The following CPNE1 variants were observed in gnomAD, a reference collection of about 807,000 sequenced individuals.
The protein encoded by CPNE1 is copine 1.
CPNE1 carries 58 observed loss-of-function variants against 63.2 expected under a neutral mutation model. The ratio of observed to expected loss-of-function variants is 0.92; its 90% CI spans 0.74 to 1.14. CPNE1 has a LOEUF of 1.14. Among genes scored for constraint, CPNE1 ranks in the 50% most tolerant of loss-of-function variants. The pLI is 0.00. For missense variants in CPNE1, 672 were observed against 661.7 expected, an observed-to-expected ratio of 1.02 and a Z score of -0.17; for synonymous variants, 237 against 249.0, an observed-to-expected ratio of 0.95 and a Z score of 0.45.
rs776017272 is a variant in CPNE1 at position 35,655,019 on chromosome 20, C to T, written c.-1+9741G>A. 3 of 1,614,016 alleles carry T rather than the reference C, an allele frequency of 1.9e-6. No individual in the cohort carries two copies. Among genetic ancestry groups the T allele is most frequent in the Admixed American group, 3.3e-5 (2 of 59,996 alleles). On this transcript the variant is annotated intron_variant, in intron 1 of 15. Coordinates refer to ENST00000397443, the MANE Select transcript of CPNE1 (RefSeq NM_152925.3). The stretch of plus-strand genomic sequence containing the variant: ...CTAGGTGGTGGTCCTGATCTACTGG[C>T]ATTTGCTGGTGGTATATCTAAGTTG...
intron 1 of CPNE1, among the ~76,000 whole-genome samples, chr20:35,645,546 C>G (rs1213202166): frequency 6.6e-6 from 1 of 152,160 alleles, no homozygotes; most frequent in Non-Finnish European, 1.5e-5. Flanking sequence ...AGTATAAGTG[C>G]TGGGTGCACA....
At chr20:35,645,431 C>T (rs576525613) in intron 1 of CPNE1, among the ~76,000 whole-genome samples, 2 of 152,280 alleles carry the variant, frequency 1.3e-5, no homozygotes, top group African/African-American at 4.8e-5. Flanking sequence ...TACCTGGTTC[C>T]CGTGGTATAG....
intron 1 of CPNE1, among the ~76,000 whole-genome samples, chr20:35,642,365 G>C (rs2032860397): frequency 6.6e-6 from 1 of 152,232 alleles, no homozygotes; most frequent in African/African-American, 2.4e-5. Context: ...GAGGGCTGAA[G>C]GTCTGGGTGG....
At chr20:35,653,941 T>C (rs1264786159) in intron 1 of CPNE1, 1 of 1,614,054 alleles carries the variant, frequency 6.2e-7, no homozygotes, top group African/African-American at 1.3e-5. Context: ...ATAAGCTATA[T>C]AAATACTATC....
chr20:35,632,146 C>T lies in CPNE1; in HGVS notation c.456+17G>A. On this transcript the variant is annotated intron_variant, in intron 5 of 15. Coordinates refer to ENST00000397443, the MANE Select transcript of CPNE1 (RefSeq NM_152925.3). ...CCCCTTAACTCTTGGATTACCAGGG[C>T]CTACTTCCAGACACACCTTCTTATC... is the stretch of plus-strand genomic sequence containing the variant. The T allele has an allele frequency of 6.2e-7, 1 of 1,613,270 alleles. No individual in the cohort carries two copies. The highest frequency in any genetic ancestry group is 8.5e-7 in the Non-Finnish European group (1 of 1,179,218).
chr20:35,639,441 A>G (rs2032678490), intron 1 of CPNE1, among the ~76,000 whole-genome samples: 1 of 152,094 alleles, frequency 6.6e-6, no homozygotes, highest in Non-Finnish European at 1.5e-5. Context: ...GGTTCCAGCG[A>G]TTCTCCCACT....
At chr20:35,654,137 C>T (rs1305923254) in intron 1 of CPNE1, 1 of 1,614,120 alleles carries the variant, frequency 6.2e-7, no homozygotes. Context: ...CCAGAAGGTC[C>T]CATATTTTGC....
chr20:35,659,360 G>A (rs531517747), intron 1 of CPNE1, among the ~76,000 whole-genome samples: 40 of 152,222 alleles, frequency 2.6e-4, no homozygotes, highest in Admixed American at 2.0e-3. Flanking sequence ...AGAAAACTCC[G>A]TAACACAAGT....
intron 1 of CPNE1, chr20:35,651,126 ATT>A (rs1231218552): frequency 2.0e-5 from 3 of 152,128 alleles, no homozygotes; most frequent in Admixed American, 1.3e-4. Flanking sequence ...CAGTGAGAAA[ATT>A]TGTTTTTCAT....
At chr20:35,653,746 T>C (rs1326083215) in intron 1 of CPNE1, 11 of 1,614,210 alleles carry the variant, frequency 6.8e-6, no homozygotes, top group South Asian at 1.1e-5. Flanking sequence ...CCTCTGGTCA[T>C]AGCTGAAGTT....
At chr20:35,656,908 A>AT (rs1221229789) in intron 1 of CPNE1, among the ~76,000 whole-genome samples, 2 of 149,060 alleles carry the variant, frequency 1.3e-5, no homozygotes, top group Non-Finnish European at 3.0e-5. Context: ...TCTCAAGAAT[A>AT]TTAGAAGGGG....
chr20:35,645,802 T>C (rs1236751399), intron 1 of CPNE1, among the ~76,000 whole-genome samples: 1 of 152,138 alleles, frequency 6.6e-6, no homozygotes, highest in African/African-American at 2.4e-5. Context: ...GGGAGTTATG[T>C]ATAAAGGCTG....
At chr20:35,635,269 T>C (rs1202570597) in intron 1 of CPNE1, among the ~76,000 whole-genome samples, 4 of 152,130 alleles carry the variant, frequency 2.6e-5, no homozygotes, top group Admixed American at 2.6e-4. Context: ...TTTTTCTCAA[T>C]GTCTAACATT....
intron 1 of CPNE1, among the ~76,000 whole-genome samples, chr20:35,639,388 G>A (rs1276317896): frequency 1.3e-5 from 2 of 152,114 alleles, no homozygotes; most frequent in Non-Finnish European, 2.9e-5. Flanking sequence ...CCAGGCTGGA[G>A]TGCAATGGCA....
intron 1 of CPNE1, among the ~76,000 whole-genome samples, chr20:35,639,663 G>C (rs1221069542): frequency 1.3e-5 from 2 of 152,206 alleles, no homozygotes; most frequent in Non-Finnish European, 2.9e-5. Context: ...GAGAACTACA[G>C]GTCCTCCCCC....
Position 35,630,642 on chromosome 20 carries a change from C to T in CPNE1, c.1050+99G>A, listed in dbSNP as rs191435093. ...GCAGGAATCCAACCCTGCATCTCCTCTTAAAGCTGAGTGCCAAGTAGCAAG... is the reference window on the plus strand; with the variant it reads ...GCAGGAATCCAACCCTGCATCTCCTTTTAAAGCTGAGTGCCAAGTAGCAAG... On this transcript the variant is annotated intron_variant, in intron 12 of 15. Coordinates refer to ENST00000397443, the MANE Select transcript of CPNE1 (RefSeq NM_152925.3). The T allele has an allele frequency of 5.3e-6, 8 of 1,508,452 alleles. No homozygotes were observed. The Admixed American group carries it at 8.4e-5, about 16-fold the overall frequency. The allele number at this position is 1,508,452 out of a possible 1,614,324, so 93.4% of individuals were successfully genotyped here. A position where few individuals can be genotyped will look rare whatever the true frequency, so the allele number is the denominator to read the frequency against.
At chr20:35,653,907 G>A (rs374099133) in intron 1 of CPNE1, 23 of 1,613,950 alleles carry the variant, frequency 1.4e-5, no homozygotes, top group Admixed American at 5.0e-5. Context: ...CAAAGCCTTC[G>A]CCAGTTGCTT....
At chr20:35,640,228 A>C (rs1299698902) in intron 1 of CPNE1, among the ~76,000 whole-genome samples, 5 of 152,206 alleles carry the variant, frequency 3.3e-5, no homozygotes, top group African/African-American at 9.6e-5. Context: ...AAACATGTTT[A>C]ATCTCCTTTG....
intron 1 of CPNE1, chr20:35,649,097 C>T (rs987003866): frequency 6.6e-6 from 1 of 152,552 alleles, no homozygotes; most frequent in African/African-American, 2.4e-5. Context: ...TGTTTGGTTT[C>T]TAAAGTCTGG....
Sources: gnomAD v4.1 joint callset for allele counts (sites outside exome capture counted in the v4.1 genomes callset) on GRCh38, gnomAD v4.1.1 for gene constraint, MANE v1.5 for transcripts, NCBI Gene and HGNC (gene_info 2026-07-23, HGNC 2026-07-21) for gene names.